Variants in MCC observed in about 807,000 individuals in gnomAD.
The protein encoded by MCC is colorectal mutant cancer protein.
MCC carries 90 observed loss-of-function variants against 116.2 expected under a neutral mutation model. The ratio of observed to expected loss-of-function variants is 0.77; its 90% confidence interval spans 0.65 to 0.92. The LOEUF (loss-of-function observed/expected upper bound fraction) is 0.92, where lower values mean the gene tolerates loss of function less well. Among genes scored for constraint, MCC ranks in the 40% least tolerant of loss-of-function variants. MCC has a pLI of 0.00. For missense variants in MCC, 1,516 were observed against 1,312.2 expected (o/e 1.16, Z -2.40); for synonymous variants, 578 against 510.5 (o/e 1.13, Z -1.78).
chr5:113,118,130 G>A (rs925894077), intron 6 of MCC, among the ~76,000 whole-genome samples: 1 of 152,174 alleles, frequency 6.6e-6, no homozygotes, highest in South Asian at 2.1e-4. Flanking sequence ...GAGACCTCCA[G>A]GGCATCCTTC....
chr5:113,216,283 T>TTGTGAC (rs1200378687), intron 3 of MCC, among the ~76,000 whole-genome samples: 2 of 152,186 alleles, frequency 1.3e-5, no homozygotes, highest in African/African-American at 4.8e-5. Flanking sequence ...CTTCCTACCT[T>TTGTGAC]TGTGACTGTG....
At chr5:113,485,235 A>G (rs531289289) in intron 1 of MCC, among the ~76,000 whole-genome samples, 2 of 152,210 alleles carry the variant, frequency 1.3e-5, no homozygotes, top group South Asian at 4.2e-4. Flanking sequence ...CCCCACACTT[A>G]AGATTTCCAG....
intron 3 of MCC, among the ~76,000 whole-genome samples, chr5:113,268,501 A>G (rs2150351888): frequency 6.6e-6 from 1 of 152,306 alleles, no homozygotes; most frequent in Non-Finnish European, 1.5e-5. Flanking sequence ...CTTAGACAAC[A>G]AGAAAAATTT....
chr5:113,038,897 G>C (rs947243128), intron 17 of MCC, among the ~76,000 whole-genome samples: 1 of 152,188 alleles, frequency 6.6e-6, no homozygotes, highest in Non-Finnish European at 1.5e-5. Context: ...GCCTTAACGT[G>C]GCATTTTACA....
At chr5:113,333,828 T>TACATATATGTAC (rs71687516) in intron 3 of MCC, among the ~76,000 whole-genome samples, 2 of 12,274 alleles carry the variant, frequency 1.6e-4, no homozygotes, top group Non-Finnish European at 4.3e-4. Context: ...TACATATATG[T>TACATATATGTAC]ATATATGTAT....
chr5:113,034,682 T>G (rs904889826), intron 17 of MCC, among the ~76,000 whole-genome samples: 2 of 152,234 alleles, frequency 1.3e-5, no homozygotes, highest in African/African-American at 4.8e-5. Context: ...ATGTGATGTC[T>G]CTCATCCTCA....
chr5:113,137,758 C>G (rs935090407), intron 5 of MCC, among the ~76,000 whole-genome samples: 1 of 152,138 alleles, frequency 6.6e-6, no homozygotes, highest in Non-Finnish European at 1.5e-5. Context: ...AGAAGGGCCA[C>G]TTCCATTCTC....
At chr5:113,457,371 C>T (rs1162353646) in intron 1 of MCC, among the ~76,000 whole-genome samples, 1 of 152,270 alleles carries the variant, frequency 6.6e-6, no homozygotes, top group Non-Finnish European at 1.5e-5. Context: ...CGGGCCTTAG[C>T]TGCCTTCCCG....
chr5:113,361,517 A>G (rs1263580102), intron 2 of MCC, among the ~76,000 whole-genome samples: 1 of 152,158 alleles, frequency 6.6e-6, no homozygotes, highest in Non-Finnish European at 1.5e-5. Flanking sequence ...TTATTTTTGA[A>G]TTTTCATAAT....
intron 2 of MCC, among the ~76,000 whole-genome samples, chr5:113,376,574 TACACACACACAC>T (rs1554079796): frequency 2.1e-5 from 3 of 145,888 alleles, no homozygotes; most frequent in East Asian, 4.0e-4. Context: ...CCATATTTTA[TACACACACACAC>T]ACACACACAC....
chr5:113,197,639 G>A (rs952049868), intron 3 of MCC, among the ~76,000 whole-genome samples: 2 of 152,134 alleles, frequency 1.3e-5, no homozygotes, highest in East Asian at 1.9e-4. Context: ...ACTACTGATG[G>A]CATCAAATAT....
chr5:113,399,509 G>A (rs550154060), intron 1 of MCC, among the ~76,000 whole-genome samples: 1 of 151,858 alleles, frequency 6.6e-6, no homozygotes, highest in Non-Finnish European at 1.5e-5. Flanking sequence ...ATAAATAAAA[G>A]TCAGTTATTA....
intron 1 of MCC, among the ~76,000 whole-genome samples, chr5:113,462,046 C>T (rs1771758783): frequency 6.6e-6 from 1 of 152,154 alleles, no homozygotes. Context: ...AGAACCTTAG[C>T]CTGTTAATGC....
chr5:113,235,041 A>C (rs1394479893), intron 3 of MCC, among the ~76,000 whole-genome samples: 1 of 152,202 alleles, frequency 6.6e-6, no homozygotes, highest in African/African-American at 2.4e-5. Context: ...TGTTCCTTGT[A>C]AGTTCTGCTT....
At chr5:113,356,244 C>G (rs1172664206) in intron 2 of MCC, among the ~76,000 whole-genome samples, 1 of 151,488 alleles carries the variant, frequency 6.6e-6, no homozygotes, top group East Asian at 1.9e-4. Context: ...ACTATGTTGT[C>G]CCAGTTGGTC....
intron 3 of MCC, among the ~76,000 whole-genome samples, chr5:113,285,640 G>A (rs976482295): frequency 3.9e-5 from 6 of 152,104 alleles, no homozygotes; most frequent in Non-Finnish European, 8.8e-5. Context: ...TCACATGACT[G>A]TGTCCCTCAT....
In MCC at chr5:113,434,742, C is replaced by A. The variant is rs755838825; in HGVS notation, c.171-49530G>T. The stretch of plus-strand genomic sequence containing the variant: ...CTTGATCGCCACATTGAACTTCAGG[C>A]GCTCAGAGTAAGCAGATTTTACTTT... On this transcript the variant is annotated intron_variant, in intron 1 of 18. Transcript: ENST00000408903. This position sits in a 1 kb window ranked among gnomAD's most constrained non-coding sequence, Gnocchi z 4.2. 1.2e-6 allele frequency: 2 copies of A among 1,614,056 alleles called. No homozygotes were observed. The highest frequency in any genetic ancestry group is 1.7e-6 in the Non-Finnish European group (2 of 1,179,956).
At position 113,145,761 on chromosome 5, in the gene MCC, CACACACACACACACACACACACAA is replaced by C. The variant is rs1384906739; in HGVS notation, c.742-2425_742-2402del. Among the ~76,000 whole-genome samples the C allele has an allele frequency of 9.8e-3, 1,056 of 107,392 alleles. 7 individuals are homozygous for C. The highest frequency in any genetic ancestry group is 0.017 in the South Asian group (56 of 3,358). The allele number at this position is 107,392 out of a possible 152,430, so 70.5% of individuals were successfully genotyped here. A position where few individuals can be genotyped will look rare whatever the true frequency, so the allele number is the denominator to read the frequency against. On this transcript the variant is annotated intron_variant, in intron 4 of 18. Transcript: ENST00000408903. ...TTACACACACACACACACACACACA[CACACACACACACACACACACACAA>C]ACACACACACACACACACACAAAAG...
At chr5:113,093,096 C>A (rs1166115874) in intron 8 of MCC, among the ~76,000 whole-genome samples, 1 of 152,070 alleles carries the variant, frequency 6.6e-6, no homozygotes, top group Non-Finnish European at 1.5e-5. Context: ...AAGGCGACAG[C>A]AGAGTAACAT....
Sources: gnomAD v4.1 joint callset for allele counts (sites outside exome capture counted in the v4.1 genomes callset) on GRCh38, gnomAD v4.1.1 for gene constraint, Gnocchi (gnomAD v3.1) non-coding constraint, MANE v1.5 for transcripts, NCBI Gene and HGNC (gene_info 2026-07-23, HGNC 2026-07-21) for gene names.